The following RALYL variants were observed in gnomAD, a reference collection of about 807,000 sequenced individuals.
RALYL encodes the protein RALY RNA binding protein like.
In RALYL, 29 loss-of-function variants were observed where a neutral mutation model predicts 35.1. The observed-to-expected ratio is 0.83, with a 90% confidence interval of 0.61 to 1.13. RALYL has a LOEUF of 1.13. RALYL is among the 50% of genes most tolerant of loss of function. RALYL has a pLI of 0.00. For missense variants in RALYL, 359 were observed against 360.4 expected (o/e 1.00, Z 0.03); for synonymous variants, 120 against 127.6 (o/e 0.94, Z 0.40).
chr8:84,600,235 T>C (rs1815605105), intron 2 of RALYL, among the ~76,000 whole-genome samples: 1 of 152,118 alleles, frequency 6.6e-6, no homozygotes. Flanking sequence ...CATCCCCTAA[T>C]ACTCATCCTC....
At chr8:84,366,255 T>G (rs1854246113) in intron 1 of RALYL, among the ~76,000 whole-genome samples, 1 of 152,144 alleles carries the variant, frequency 6.6e-6, no homozygotes, top group African/African-American at 2.4e-5. Context: ...CTAACGCCAT[T>G]AAAACGTTGT....
intron 1 of RALYL, among the ~76,000 whole-genome samples, chr8:84,443,728 T>G (rs2048573844): frequency 6.6e-6 from 1 of 152,114 alleles, no homozygotes; most frequent in Admixed American, 6.6e-5. Flanking sequence ...GTACAGTATC[T>G]TCTTCTTTGA....
chr8:84,870,986 G>A (rs1236848856), intron 6 of RALYL, among the ~76,000 whole-genome samples: 1 of 152,262 alleles, frequency 6.6e-6, no homozygotes, highest in South Asian at 2.1e-4. Context: ...GGACCTAGAT[G>A]AGCATTTGCT....
chr8:84,517,148 AATC>A (rs1276560948), intron 1 of RALYL, among the ~76,000 whole-genome samples: 1 of 152,210 alleles, frequency 6.6e-6, no homozygotes, highest in African/African-American at 2.4e-5. Context: ...ACTCCAGTTG[AATC>A]ATAGATCCAT....
chr8:84,314,257 G>C (rs1843340626), intron 1 of RALYL, among the ~76,000 whole-genome samples: 1 of 151,664 alleles, frequency 6.6e-6, no homozygotes, highest in South Asian at 2.1e-4. Flanking sequence ...TGACACGTAG[G>C]GATTATAATT....
intron 2 of RALYL, among the ~76,000 whole-genome samples, chr8:84,602,382 T>A (rs1271828420): frequency 6.6e-6 from 1 of 152,130 alleles, no homozygotes; most frequent in Non-Finnish European, 1.5e-5. Flanking sequence ...CTTGACTCTA[T>A]TTATTCCATC....
rs1486555251 is a variant in RALYL at position 84,398,992 on chromosome 8, A to G, written c.-23-130307A>G. Among the ~76,000 whole-genome samples the G allele has an allele frequency of 1.5e-4, 20 of 137,784 alleles. No individual in the cohort carries two copies. In the Admixed American group the frequency reaches 1.5e-3, roughly 10 times the overall value. 90.4% of individuals were successfully genotyped at this position (137,784 alleles called of 152,430 possible). A position where few individuals can be genotyped will look rare whatever the true frequency, so the allele number is the denominator to read the frequency against. The stretch of plus-strand genomic sequence containing the variant: ...CTGTCTCAAAAAAAAAAAAAAAAAA[A>G]GAACTATGCAAAGAAATCTTATTAT... On this transcript the variant is annotated intron_variant, in intron 1 of 8. Transcript: ENST00000521268.
Position 84,759,042 on chromosome 8 carries a change from T to C in RALYL, c.257-15537T>C, listed in dbSNP as rs1013822860. Among the ~76,000 whole-genome samples, 3 of 152,290 alleles carry C rather than the reference T, an allele frequency of 2.0e-5. 1 individual carries two copies. In the South Asian group the frequency reaches 6.2e-4, roughly 32 times the overall value. On this transcript the variant is annotated intron_variant, in intron 2 of 8. Coordinates refer to ENST00000521268, the MANE Select transcript of RALYL (RefSeq NM_173848.7). ...GCAGCCTCCTGTATTCCTTTCCTTG[T>C]GGCCCCTTGTTCCATATTCAAAGCC... is the stretch of plus-strand genomic sequence containing the variant.
intron 2 of RALYL, among the ~76,000 whole-genome samples, chr8:84,546,087 G>A (rs921557262): frequency 9.9e-5 from 15 of 152,046 alleles, no homozygotes; most frequent in Admixed American, 7.2e-4. Context: ...GAAGTGGCAG[G>A]GCGGGATGAG....
chr8:84,502,970 A>T (rs1386097507), intron 1 of RALYL, among the ~76,000 whole-genome samples: 1 of 152,038 alleles, frequency 6.6e-6, no homozygotes, highest in Non-Finnish European at 1.5e-5. Flanking sequence ...ACCCGAAAGA[A>T]GGTTTTGAAA....
chr8:84,807,269 G>A (rs1474315838), intron 4 of RALYL, among the ~76,000 whole-genome samples: 1 of 152,098 alleles, frequency 6.6e-6, no homozygotes, highest in Non-Finnish European at 1.5e-5. Context: ...ACGATGTTTG[G>A]TTTTCCATTC....
At chr8:84,848,115 T>G (rs1194999580) in intron 4 of RALYL, among the ~76,000 whole-genome samples, 1 of 152,156 alleles carries the variant, frequency 6.6e-6, no homozygotes, top group Non-Finnish European at 1.5e-5. Flanking sequence ...ACGTTAAACA[T>G]AGAATTACCA....
At chr8:84,374,192 T>C (rs767372860) in intron 1 of RALYL, among the ~76,000 whole-genome samples, 1 of 151,896 alleles carries the variant, frequency 6.6e-6, no homozygotes, top group Non-Finnish European at 1.5e-5. Flanking sequence ...ATTTGGATGC[T>C]CTTTATTTCT....
At chr8:84,469,353 C>T (rs1251795776) in intron 1 of RALYL, among the ~76,000 whole-genome samples, 1 of 151,980 alleles carries the variant, frequency 6.6e-6, no homozygotes, top group Non-Finnish European at 1.5e-5. Context: ...GTTAGTTTTC[C>T]TTCTAACAGA....
intron 3 of RALYL, among the ~76,000 whole-genome samples, chr8:84,797,847 CTTTA>C: frequency 6.6e-6 from 1 of 152,278 alleles, no homozygotes; most frequent in South Asian, 2.1e-4. Context: ...ATCTTCTCTT[CTTTA>C]TTTACTTTTA....
intron 2 of RALYL, among the ~76,000 whole-genome samples, chr8:84,644,864 G>A: frequency 6.6e-6 from 1 of 151,588 alleles, no homozygotes; most frequent in Admixed American, 6.6e-5. Context: ...CGATTCTTGT[G>A]CCCCAGTCTC....
intron 2 of RALYL, among the ~76,000 whole-genome samples, chr8:84,539,743 C>T (rs1226982358): frequency 6.6e-6 from 1 of 150,606 alleles, no homozygotes; most frequent in Non-Finnish European, 1.5e-5. Flanking sequence ...ATGTGAATAT[C>T]AAGTAATCCC....
chr8:84,366,598 A>G (rs529100382), intron 1 of RALYL, among the ~76,000 whole-genome samples: 16 of 151,998 alleles, frequency 1.1e-4, no homozygotes, highest in African/African-American at 3.4e-4. Context: ...AACATGGTCA[A>G]ACCTCGTCTC....
intron 2 of RALYL, among the ~76,000 whole-genome samples, chr8:84,633,241 C>G (rs1824306802): frequency 6.6e-6 from 1 of 151,640 alleles, no homozygotes; most frequent in Non-Finnish European, 1.5e-5. Context: ...TGTCCTGGTT[C>G]AGCAATAGAG....
Sources: gnomAD v4.1 joint callset for allele counts (sites outside exome capture counted in the v4.1 genomes callset) on GRCh38, gnomAD v4.1.1 for gene constraint, MANE v1.5 for transcripts, NCBI Gene and HGNC (gene_info 2026-07-23, HGNC 2026-07-21) for gene names.